Variants in RBMS3 observed in about 807,000 individuals in gnomAD.
RBMS3 encodes RNA binding motif single stranded interacting protein 3, also known as RNA-binding motif, single-stranded-interacting protein 3.
A neutral mutation model predicts 66.8 loss-of-function variants in RBMS3; 27 were observed. The observed-to-expected ratio is 0.40, with a 90% CI of 0.30 to 0.56. The LOEUF is 0.56. Ranked by LOEUF, RBMS3 falls within the 20% of genes least tolerant of loss-of-function variation. The pLI is 0.40. For synonymous variants in RBMS3, 188 were observed against 183.0 expected, an observed-to-expected ratio of 1.03 and a Z score of -0.22; for missense variants, 513 against 549.5, an observed-to-expected ratio of 0.93 and a Z score of 0.66.
At chr3:29,649,038 C>T (rs1019927546) in intron 4 of RBMS3, among the ~76,000 whole-genome samples, 14 of 152,164 alleles carry the variant, frequency 9.2e-5, no homozygotes, top group African/African-American at 3.4e-4. Flanking sequence ...TCCTCATTCC[C>T]TGCTTCAGAA....
At chr3:29,305,266 C>A (rs1027748052) in intron 1 of RBMS3, among the ~76,000 whole-genome samples, 14 of 151,986 alleles carry the variant, frequency 9.2e-5, no homozygotes, top group Non-Finnish European at 2.1e-4. Flanking sequence ...TCTTGCAATG[C>A]AATTTCCTAT....
intron 13 of RBMS3, 74 bp downstream of exon 13, chr3:29,988,297 C>T: frequency 8.1e-7 from 1 of 1,240,496 alleles, no homozygotes; most frequent in Non-Finnish European, 1.2e-6. Flanking sequence ...TCCCCCATAA[C>T]CATAGGAATC....
intron 4 of RBMS3, among the ~76,000 whole-genome samples, chr3:29,710,068 T>C (rs1459978145): frequency 6.6e-6 from 1 of 152,204 alleles, no homozygotes; most frequent in Non-Finnish European, 1.5e-5. Flanking sequence ...ATGTGAGCAA[T>C]TGGCATTACC....
At chr3:29,588,289 A>T (rs1158512100) in intron 4 of RBMS3, among the ~76,000 whole-genome samples, 1 of 152,082 alleles carries the variant, frequency 6.6e-6, no homozygotes, top group African/African-American at 2.4e-5. Flanking sequence ...TATAAATTTT[A>T]GGTGGAATGG....
intron 6 of RBMS3, among the ~76,000 whole-genome samples, chr3:29,777,276 G>T (rs1034714176): frequency 6.6e-6 from 1 of 151,822 alleles, no homozygotes; most frequent in Admixed American, 6.6e-5. Context: ...AACAACTGTT[G>T]TATGCTTATC....
chr3:29,758,530 T>C (rs935258214), intron 5 of RBMS3, among the ~76,000 whole-genome samples: 26 of 152,208 alleles, frequency 1.7e-4, no homozygotes, highest in African/African-American at 6.0e-4. Context: ...CTGAGCAAGA[T>C]ACCCTCAAAA....
intron 6 of RBMS3, among the ~76,000 whole-genome samples, chr3:29,767,934 G>A (rs1204732852): frequency 1.3e-5 from 2 of 151,850 alleles, no homozygotes; most frequent in African/African-American, 4.8e-5. Context: ...GCTGAGAAGA[G>A]GTAACAAATA....
At chr3:29,504,560 G>A (rs140216633) in intron 3 of RBMS3, among the ~76,000 whole-genome samples, 72 of 150,784 alleles carry the variant, frequency 4.8e-4, no homozygotes, top group Non-Finnish European at 9.3e-4. Context: ...ACAAGCAAGT[G>A]CAGATATCTC....
At chr3:29,602,087 A>G (rs941668718) in intron 4 of RBMS3, among the ~76,000 whole-genome samples, 59 of 152,046 alleles carry the variant, frequency 3.9e-4, no homozygotes, top group African/African-American at 1.4e-3. Context: ...GTTCTGTTTC[A>G]TACTCCTCTT....
chr3:29,712,000 C>G (rs1278488768), intron 4 of RBMS3, among the ~76,000 whole-genome samples: 1 of 152,258 alleles, frequency 6.6e-6, no homozygotes, highest in African/African-American at 2.4e-5. Context: ...CACTTTGCTG[C>G]TCCTTTTTCT....
chr3:30,000,271 C>T (rs1162962085), intron 14 of RBMS3, among the ~76,000 whole-genome samples: 1 of 152,036 alleles, frequency 6.6e-6, no homozygotes, highest in Admixed American at 6.6e-5. Flanking sequence ...ATTTATGCAG[C>T]CAACAAACAT....
At chr3:29,297,418 A>C (rs929649556) in intron 1 of RBMS3, among the ~76,000 whole-genome samples, 1 of 151,864 alleles carries the variant, frequency 6.6e-6, no homozygotes, top group Non-Finnish European at 1.5e-5. Context: ...TGATACGTGA[A>C]TATAATGGAG....
intron 1 of RBMS3, among the ~76,000 whole-genome samples, chr3:29,311,812 A>G (rs1410413500): frequency 6.6e-6 from 1 of 151,808 alleles, no homozygotes; most frequent in Non-Finnish European, 1.5e-5. Flanking sequence ...AAGGGTATGA[A>G]GAAATAAAAC....
At chr3:29,385,654 C>T (rs1489605842) in intron 1 of RBMS3, among the ~76,000 whole-genome samples, 1 of 152,190 alleles carries the variant, frequency 6.6e-6, no homozygotes, top group East Asian at 1.9e-4. Context: ...GTATCCCATA[C>T]TGACCTTGCC....
At chr3:29,384,435 T>TTATAATAAG (rs71295053) in intron 1 of RBMS3, among the ~76,000 whole-genome samples, 1 of 141,038 alleles carries the variant, frequency 7.1e-6, no homozygotes, top group Non-Finnish European at 1.5e-5. Flanking sequence ...ATAATAATAA[T>TTATAATAAG]AAGAAGAAGA....
At chr3:29,336,370 C>A (rs1416484570) in intron 1 of RBMS3, among the ~76,000 whole-genome samples, 2 of 152,002 alleles carry the variant, frequency 1.3e-5, no homozygotes, top group African/African-American at 2.4e-5. Flanking sequence ...GCTTTTCCAT[C>A]AAACTCAATT....
At chr3:29,433,527 G>C (rs995784432) in intron 1 of RBMS3, among the ~76,000 whole-genome samples, 1 of 152,172 alleles carries the variant, frequency 6.6e-6, no homozygotes, top group African/African-American at 2.4e-5. Context: ...GAACCATTTT[G>C]TTTGCATTAA....
rs71091082 is a variant in RBMS3 at position 29,930,109 on chromosome 3, C to CTTTCTTTCTTTT, written c.940-5974_940-5973insCTTTCTTTTTTT. ...TACTTTGTGTCACTTTTCTTTCTTT[C>CTTTCTTTCTTTT]TTTTTTTTTTTTTTTTTTTTGAGAT... On this transcript the variant is annotated intron_variant, in intron 10 of 14. Transcript: ENST00000383767. 8.0e-3 allele frequency among the ~76,000 whole-genome samples: 349 copies of CTTTCTTTCTTTT among 43,524 alleles called. 37 individuals are homozygous for CTTTCTTTCTTTT. Among genetic ancestry groups the CTTTCTTTCTTTT allele is most frequent in the African/African-American group, 0.019 (308 of 15,824 alleles). 28.6% of individuals were successfully genotyped at this position (43,524 alleles called of 152,430 possible).
intron 1 of RBMS3, among the ~76,000 whole-genome samples, chr3:29,406,513 C>T (rs1049143177): frequency 7.2e-5 from 11 of 152,134 alleles, no homozygotes; most frequent in African/African-American, 2.7e-4. Flanking sequence ...CTCATTAAAC[C>T]ACATCACAAC....
Sources: allele counts gnomAD v4.1 joint callset (sites outside exome capture counted in the v4.1 genomes callset), GRCh38; gene constraint gnomAD v4.1.1; transcripts MANE v1.5; gene names NCBI Gene and HGNC (gene_info 2026-07-23, HGNC 2026-07-21).